The following ITPR2 variants were observed in gnomAD, a reference collection of about 807,000 sequenced individuals.
ITPR2 encodes inositol 1,4,5-trisphosphate receptor type 2.
ITPR2 carries 207 observed loss-of-function variants against 317.1 expected under a neutral mutation model. The observed-to-expected ratio is 0.65, with a 90% CI of 0.58 to 0.73. The LOEUF (loss-of-function observed/expected upper bound fraction) is 0.73, where lower values mean the gene tolerates loss of function less well. ITPR2 is among the 30% of genes least tolerant of loss of function. ITPR2 has a pLI of 0.00. For missense variants in ITPR2, 2,613 were observed against 3,284.0 expected, an observed-to-expected ratio of 0.80 and a Z score of 4.99; for synonymous variants, 1,156 against 1,149.1, an observed-to-expected ratio of 1.01 and a Z score of -0.12.
At chr12:26,488,202 T>C (rs1942715846) in intron 39 of ITPR2, among the ~76,000 whole-genome samples, 1 of 152,132 alleles carries the variant, frequency 6.6e-6, no homozygotes, top group Non-Finnish European at 1.5e-5. Context: ...ATATCATTTG[T>C]AAATTAATAA....
chr12:26,384,935 T>C (rs905370583), intron 55 of ITPR2, among the ~76,000 whole-genome samples: 2 of 152,174 alleles, frequency 1.3e-5, no homozygotes, highest in African/African-American at 4.8e-5. Flanking sequence ...TCTTTCCCTT[T>C]CCCCACCATT....
intron 33 of ITPR2, among the ~76,000 whole-genome samples, chr12:26,579,554 A>G (rs1398880877): frequency 2.0e-5 from 3 of 152,076 alleles, no homozygotes; most frequent in African/African-American, 7.2e-5. Context: ...ATGATTTTTA[A>G]TTACTATATA....
At chr12:26,827,740 A>G (rs1951029733) in intron 1 of ITPR2, among the ~76,000 whole-genome samples, 1 of 152,208 alleles carries the variant, frequency 6.6e-6, no homozygotes, top group Non-Finnish European at 1.5e-5. Flanking sequence ...TGCTAAGCTG[A>G]CTTTGAAAAA....
chr12:26,784,268 T>C (rs1950150248), intron 2 of ITPR2, among the ~76,000 whole-genome samples: 1 of 8,956 alleles, frequency 1.1e-4, no homozygotes. Context: ...TCCCTCTCCC[T>C]CTCCCTCTCC....
chr12:26,670,844 G>A (rs1447618949), intron 13 of ITPR2, among the ~76,000 whole-genome samples: 3 of 152,202 alleles, frequency 2.0e-5, no homozygotes, highest in Non-Finnish European at 4.4e-5. Flanking sequence ...CCAATACAGA[G>A]AAGTGCTTAA....
intron 21 of ITPR2, among the ~76,000 whole-genome samples, chr12:26,635,513 TCA>T (rs1372438764): frequency 6.6e-6 from 1 of 152,246 alleles, no homozygotes; most frequent in Non-Finnish European, 1.5e-5. Flanking sequence ...GAATAATTGT[TCA>T]CAGTCATTTA....
chr12:26,683,876 C>A (rs2136965217), intron 11 of ITPR2, among the ~76,000 whole-genome samples: 1 of 152,212 alleles, frequency 6.6e-6, no homozygotes, highest in African/African-American at 2.4e-5. Context: ...AAAAGAAAAG[C>A]ACAGTAAGTA....
At chr12:26,747,024 C>G (rs1274107693) in intron 2 of ITPR2, among the ~76,000 whole-genome samples, 6 of 152,102 alleles carry the variant, frequency 3.9e-5, no homozygotes, top group Admixed American at 2.6e-4. Context: ...GAGCAATTGA[C>G]CAGATCAAGG....
rs1176302589 is a variant in ITPR2 at position 26,624,166 on chromosome 12, G to A, written c.3122+133C>T. On this transcript the variant is annotated intron_variant, in intron 24 of 56. Coordinates refer to ENST00000381340, the MANE Select transcript of ITPR2 (RefSeq NM_002223.4). ...GAGTAAATTAGCAGCTTCATTTCTGGCAGAAATTATGTTAGCAACAATAGA... is the reference window on the plus strand; with the variant it reads ...GAGTAAATTAGCAGCTTCATTTCTGACAGAAATTATGTTAGCAACAATAGA... The A allele has an allele frequency of 6.5e-6, 4 of 614,030 alleles. No individual in the cohort carries two copies. In the Admixed American group the frequency reaches 1.3e-4, roughly 20 times the overall value. The allele number at this position is 614,030 out of a possible 1,614,324, so 38.0% of individuals were successfully genotyped here.
intron 45 of ITPR2, among the ~76,000 whole-genome samples, chr12:26,446,078 T>G (rs976724695): frequency 6.6e-6 from 1 of 152,046 alleles, no homozygotes; most frequent in Admixed American, 6.6e-5. Context: ...GACAAGTTCT[T>G]TTCTGGTTAC....
rs149000066 is a variant in ITPR2 at position 26,755,800 on chromosome 12, G to A, written c.164-30035C>T. On this transcript the variant is annotated intron_variant, in intron 2 of 56. Coordinates refer to ENST00000381340, the MANE Select transcript of ITPR2 (RefSeq NM_002223.4). The stretch of plus-strand genomic sequence containing the variant: ...TTGACTTGTAAAGCCAATAAAAGCC[G>A]CTTGAGGAACTAGCCTTAGACCTTG... Among the ~76,000 whole-genome samples the A allele has an allele frequency of 5.3e-4, 80 of 152,276 alleles. 1 individual carries two copies. The East Asian group carries it at 0.014, about 26-fold the overall frequency.
chr12:26,427,863 AC>A (rs754160312), intron 49 of ITPR2, 49 bp downstream of exon 49: 74 of 1,203,848 alleles, frequency 6.1e-5, no homozygotes, highest in Admixed American at 1.2e-4. Flanking sequence ...TATATTTCAT[AC>A]ACTTTTAAAC....
chr12:26,453,191 G>A lies in ITPR2; in HGVS notation c.6343-9541C>T, dbSNP rs530583445. ...TTTATAAAGAATTCATTACTTTAAC[G>A]GAAAATGCTTGCTATTTTGTATTTT... On this transcript the variant is annotated intron_variant, in intron 45 of 56. Coordinates refer to ENST00000381340, the MANE Select transcript of ITPR2 (RefSeq NM_002223.4). 5.9e-5 allele frequency among the ~76,000 whole-genome samples: 9 copies of A among 152,100 alleles called. No individual in the cohort carries two copies. In the South Asian group the frequency reaches 1.9e-3, roughly 32 times the overall value.
chr12:26,601,271 C>T (rs34898746), intron 28 of ITPR2, among the ~76,000 whole-genome samples: 21,144 of 152,066 alleles, frequency 0.14, 1,875 homozygotes, highest in Non-Finnish European at 0.2. Context: ...TACATGCACC[C>T]ATACATATGC....
chr12:26,579,797 T>A (rs1174132097), intron 33 of ITPR2, among the ~76,000 whole-genome samples: 1 of 152,140 alleles, frequency 6.6e-6, no homozygotes, highest in African/African-American at 2.4e-5. Context: ...CATACAGATA[T>A]GAAGTTCTTA....
chr12:26,344,506 A>T (rs1306240512), intron 55 of ITPR2, among the ~76,000 whole-genome samples: 1 of 152,230 alleles, frequency 6.6e-6, no homozygotes, highest in Non-Finnish European at 1.5e-5. Flanking sequence ...GAGCATTTGT[A>T]AAGTTGCCTC....
At chr12:26,477,639 A>G (rs1942449743) in intron 43 of ITPR2, among the ~76,000 whole-genome samples, 1 of 152,168 alleles carries the variant, frequency 6.6e-6, no homozygotes, top group Non-Finnish European at 1.5e-5. Context: ...TGCTTAACAA[A>G]GAATGAAAAT....
chr12:26,421,651 C>G (rs1940895691), intron 49 of ITPR2, among the ~76,000 whole-genome samples: 1 of 117,682 alleles, frequency 8.5e-6, no homozygotes, highest in Non-Finnish European at 1.6e-5. Context: ...CTTCATTTGT[C>G]AGTGCCATTA....
chr12:26,502,730 A>G (rs760312957), intron 37 of ITPR2, among the ~76,000 whole-genome samples: 1 of 152,204 alleles, frequency 6.6e-6, no homozygotes, highest in Non-Finnish European at 1.5e-5. Context: ...GTACAAGAGG[A>G]AAGAGCAGGA....
Sources: allele counts gnomAD v4.1 joint callset (sites outside exome capture counted in the v4.1 genomes callset), GRCh38; gene constraint gnomAD v4.1.1; transcripts MANE v1.5; gene names NCBI Gene and HGNC (gene_info 2026-07-23, HGNC 2026-07-21).